The following IL20RB variants were observed in gnomAD, a reference collection of about 807,000 sequenced individuals.
The protein encoded by IL20RB is interleukin-20 receptor subunit beta.
IL20RB carries 21 observed loss-of-function variants against 33.3 expected under a neutral mutation model. That is an observed-to-expected ratio of 0.63 (90% CI 0.45 to 0.91). The LOEUF is 0.91. Ranked by LOEUF, IL20RB falls within the 40% of genes least tolerant of loss-of-function variation. The pLI is 0.00. For missense variants in IL20RB, 345 were observed against 384.8 expected, an observed-to-expected ratio of 0.90 and a Z score of 0.86; for synonymous variants, 147 against 146.8, an observed-to-expected ratio of 1.00 and a Z score of -0.01.
chr3:136,988,051 C>T (rs1368552141), intron 3 of IL20RB, among the ~76,000 whole-genome samples: 2 of 152,236 alleles, frequency 1.3e-5, no homozygotes, highest in Non-Finnish European at 2.9e-5. Context: ...CAGCGGTGGG[C>T]TGAAGGGCTC....
At chr3:136,994,408 A>G (rs573013532) in intron 5 of IL20RB, among the ~76,000 whole-genome samples, 1 of 152,318 alleles carries the variant, frequency 6.6e-6, no homozygotes, top group South Asian at 2.1e-4. Flanking sequence ...TACACCTACT[A>G]TATACCTACA....
At chr3:137,000,367 A>AT (rs546506686) in intron 6 of IL20RB, among the ~76,000 whole-genome samples, 2 of 152,086 alleles carry the variant, frequency 1.3e-5, no homozygotes, top group East Asian at 1.9e-4. Context: ...CCTTTTTGGG[A>AT]TTTTTCCTCT....
chr3:137,002,177 A>T (rs1318714164), intron 6 of IL20RB, among the ~76,000 whole-genome samples: 1 of 152,084 alleles, frequency 6.6e-6, no homozygotes, highest in African/African-American at 2.4e-5. Context: ...TCTATCATTG[A>T]TGGACATTTG....
chr3:136,986,210 C>T lies in IL20RB; in HGVS notation c.407-3231C>T, dbSNP rs1941893810. ...CCTGGGCGACAGAGCGAGACTCCAT[C>T]TCAAATAAATAAATAAATAAATAAA... On this transcript the variant is annotated intron_variant, in intron 3 of 6. Transcript: ENST00000329582. Among the ~76,000 whole-genome samples, 3 of 144,512 alleles carry T rather than the reference C, an allele frequency of 2.1e-5. No individual in the cohort carries two copies. In the Admixed American group the frequency reaches 2.1e-4, roughly 10 times the overall value. The allele number at this position is 144,512 out of a possible 152,430, so 94.8% of individuals were successfully genotyped here. A position where few individuals can be genotyped will look rare whatever the true frequency, so the allele number is the denominator to read the frequency against.
rs750873755 is a variant in IL20RB at position 136,982,149 on chromosome 3, C to G, written c.216-11C>G. The G allele has an allele frequency of 1.3e-6, 2 of 1,540,414 alleles. No individual in the cohort carries two copies. The highest frequency in any genetic ancestry group is 8.8e-7 in the Non-Finnish European group (1 of 1,132,622). On this transcript the variant is annotated splice_polypyrimidine_tract_variant and intron_variant, in intron 2 of 6. Transcript: ENST00000329582. ...GGCTGGTGTAACTCTGTGCCCTCCT[C>G]TCTTTGACAGGGAGTACGAGAGCCT...
chr3:137,009,300 C>T (rs949281328), intron 6 of IL20RB, among the ~76,000 whole-genome samples: 2 of 152,126 alleles, frequency 1.3e-5, no homozygotes, highest in African/African-American at 2.4e-5. Context: ...GGTGAGCAGG[C>T]GAGTAATAGG....
chr3:136,987,419 C>G (rs1941930528), intron 3 of IL20RB, among the ~76,000 whole-genome samples: 1 of 152,168 alleles, frequency 6.6e-6, no homozygotes, highest in Non-Finnish European at 1.5e-5. Context: ...GGTGTGTTTA[C>G]AAACTTGAGC....
At chr3:136,986,573 G>A (rs996637431) in intron 3 of IL20RB, 25 of 422,048 alleles carry the variant, frequency 5.9e-5, no homozygotes, top group African/African-American at 4.6e-4. Flanking sequence ...TGCACAGTTG[G>A]CCCTGGCTTC....
chr3:136,976,677 C>T (rs545494989), intron 1 of IL20RB, among the ~76,000 whole-genome samples: 1 of 152,322 alleles, frequency 6.6e-6, no homozygotes, highest in East Asian at 1.9e-4. Context: ...CCAGTTTGTG[C>T]CCCAGTCTCA....
intron 3 of IL20RB, among the ~76,000 whole-genome samples, chr3:136,982,673 C>T (rs1395273462): frequency 7.3e-6 from 1 of 136,394 alleles, no homozygotes; most frequent in Admixed American, 7.8e-5. Flanking sequence ...CTGCTCCCTA[C>T]TCTGATTGTG....
chr3:136,974,108 CTGTT>C (rs1941559417), intron 1 of IL20RB, among the ~76,000 whole-genome samples: 1 of 151,220 alleles, frequency 6.6e-6, no homozygotes, highest in Admixed American at 6.6e-5. Flanking sequence ...AATTTTTTTT[CTGTT>C]TGTTTTACAT....
intron 6 of IL20RB, among the ~76,000 whole-genome samples, chr3:137,005,371 A>C (rs1942330301): frequency 6.6e-6 from 1 of 152,178 alleles, no homozygotes. Context: ...AGGCTGTTAA[A>C]GTCTCCCATT....
intron 6 of IL20RB, among the ~76,000 whole-genome samples, chr3:136,998,068 C>T (rs895016156): frequency 1.3e-5 from 2 of 151,714 alleles, no homozygotes; most frequent in Admixed American, 6.6e-5. Context: ...CTGTGCCTGG[C>T]CTCCATTAAC....
intron 3 of IL20RB, 77 bp from the exon 4 acceptor site, chr3:136,989,364 A>G (rs1577025898): frequency 2.6e-6 from 4 of 1,560,840 alleles, no homozygotes; most frequent in Non-Finnish European, 3.5e-6. Context: ...ATTTCCATAC[A>G]TGACCCGGTC....
At chr3:136,966,908 G>A (rs1304564945) in intron 1 of IL20RB, among the ~76,000 whole-genome samples, 2 of 37,618 alleles carry the variant, frequency 5.3e-5, no homozygotes, top group Non-Finnish European at 9.8e-5. Flanking sequence ...CTTTGTTCTC[G>A]TTGGTTTCAA....
intron 1 of IL20RB, among the ~76,000 whole-genome samples, chr3:136,962,830 T>C (rs1699102151): frequency 1.6e-5 from 2 of 123,104 alleles, no homozygotes; most frequent in Non-Finnish European, 3.3e-5. Flanking sequence ...TAACTAGACA[T>C]GACAGCTAAA....
intron 6 of IL20RB, among the ~76,000 whole-genome samples, chr3:136,998,181 A>G (rs1942173145): frequency 8.7e-6 from 1 of 114,580 alleles, no homozygotes; most frequent in African/African-American, 3.3e-5. Flanking sequence ...TTTTTGGGTT[A>G]ATTAAAAATT....
intron 1 of IL20RB, among the ~76,000 whole-genome samples, chr3:136,979,631 G>A (rs1366794494): frequency 7.1e-6 from 1 of 139,912 alleles, no homozygotes; most frequent in Non-Finnish European, 1.6e-5. Context: ...GTCCCACTGT[G>A]TGCATACTCT....
intron 3 of IL20RB, among the ~76,000 whole-genome samples, chr3:136,983,110 C>T (rs555929920): frequency 2.0e-4 from 30 of 151,018 alleles, no homozygotes; most frequent in African/African-American, 7.3e-4. Flanking sequence ...TTTTTTGATA[C>T]GGAGTCTCAC....
Sources: gnomAD v4.1 joint callset for allele counts (sites outside exome capture counted in the v4.1 genomes callset) on GRCh38, gnomAD v4.1.1 for gene constraint, MANE v1.5 for transcripts, NCBI Gene and HGNC (gene_info 2026-07-23, HGNC 2026-07-21) for gene names.